The following SAMHD1 variants were observed in gnomAD, a reference collection of about 807,000 sequenced individuals.
SAMHD1 encodes deoxynucleoside triphosphate triphosphohydrolase SAMHD1.
Under a neutral mutation model 79.6 loss-of-function variants are expected in SAMHD1, and 54 were observed. The ratio of observed to expected loss-of-function variants is 0.68; its 90% CI spans 0.55 to 0.85. The LOEUF is 0.85. Among genes scored for constraint, SAMHD1 ranks in the 40% least tolerant of loss-of-function variants. The pLI is 0.00. For synonymous variants in SAMHD1, 260 were observed against 264.1 expected (o/e 0.98, Z 0.15); for missense variants, 663 against 782.7 (o/e 0.85, Z 1.82).
chr20:36,947,921 A>G (rs1769093026), intron 1 of SAMHD1, among the ~76,000 whole-genome samples: 1 of 151,600 alleles, frequency 6.6e-6, no homozygotes, highest in African/African-American at 2.4e-5. Context: ...ATCTTCCCAC[A>G]CTGGCCTCCC....
intron 9 of SAMHD1, among the ~76,000 whole-genome samples, chr20:36,913,756 C>T (rs1601127113): frequency 7.4e-6 from 1 of 135,342 alleles, no homozygotes. Context: ...TCATTCTTGA[C>T]TTTTTTTTTT....
chr20:36,919,360 T>C lies in SAMHD1; in HGVS notation c.852+4A>G. On this transcript the variant is annotated splice_donor_region_variant and intron_variant, in intron 7 of 15. Transcript: ENST00000646673. ...AGTTAAAATTAAGCTGTACATAAAC[T>C]TACCAATGAATCTTCGACAGGTGAT... is the stretch of plus-strand genomic sequence containing the variant. The C allele has an allele frequency of 2.5e-6, 4 of 1,613,222 alleles. No individual in the cohort carries two copies. Among genetic ancestry groups the C allele is most frequent in the Non-Finnish European group, 3.4e-6 (4 of 1,179,436 alleles).
intron 3 of SAMHD1, among the ~76,000 whole-genome samples, chr20:36,936,124 G>A (rs567179769): frequency 3.3e-5 from 5 of 151,932 alleles, no homozygotes; most frequent in Admixed American, 6.6e-5. Flanking sequence ...CTGTAGTCCC[G>A]GGTACTCTAG....
At chr20:36,946,590 C>G in intron 2 of SAMHD1, 148 bp downstream of exon 2, 1 of 640,166 alleles carries the variant, frequency 1.6e-6, no homozygotes. Context: ...AATGAACAAA[C>G]AAAACCAGCA....
rs1442543580 is a variant in SAMHD1, at chr20:36,897,911, A to C, written c.1657T>G (p.Tyr553Asp). 6.2e-7 allele frequency: 1 copy of C among 1,614,232 alleles called. No individual in the cohort carries two copies. The highest frequency in any genetic ancestry group is 8.5e-7 in the Non-Finnish European group (1 of 1,180,046). The stretch of plus-strand genomic sequence containing the variant: ...CTCTTTCTGTCCACCTTCTTACAAT[A>C]TACTCGAATCAGCTGCTCTGCAAAT... ...EKFAEQLIRV[Y>D]CKKVDRKSLY... Residue 553 changes from tyrosine to aspartate, a missense_variant, in exon 15 of 16, where the codon TAT becomes GAT. Transcript: ENST00000646673.
intron 13 of SAMHD1, among the ~76,000 whole-genome samples, chr20:36,900,238 T>C (rs769383293): frequency 5.3e-5 from 8 of 152,180 alleles, no homozygotes; most frequent in African/African-American, 1.7e-4. Context: ...ACTACGACTA[T>C]AGTTAACAGT....
Position 36,904,217 on chromosome 20 carries a change from G to A in SAMHD1, c.1443C>T (p.Ala481=). 1 of 1,613,528 alleles carries A rather than the reference G, an allele frequency of 6.2e-7. No individual in the cohort carries two copies. Among genetic ancestry groups the A allele is most frequent in the Non-Finnish European group, 8.5e-7 (1 of 1,179,550 alleles). Residue 481 remains alanine, a synonymous_variant, in exon 13 of 16, where the codon GCC becomes GCT. Coordinates refer to ENST00000646673, the MANE Select transcript of SAMHD1 (RefSeq NM_015474.4). ...CTAGCAATACTTTGGGTTTAGCACT[G>A]GCAACCTCTTTTGGAAGAGATTCAT... ...EDYESLPKEV[A]SAKPKVLLDV...
chr20:36,942,946 A>G (rs377415624), intron 2 of SAMHD1, among the ~76,000 whole-genome samples: 15 of 152,118 alleles, frequency 9.9e-5, no homozygotes, highest in African/African-American at 2.4e-4. Context: ...CTGAGCCACC[A>G]CGCCTGGCCT....
chr20:36,893,778 C>T (rs1223500937), intron 15 of SAMHD1: 1 of 397,022 alleles, frequency 2.5e-6, no homozygotes, highest in African/African-American at 2.1e-5. Context: ...AGGATTCGTG[C>T]TCCTCATCTG....
intron 9 of SAMHD1, among the ~76,000 whole-genome samples, chr20:36,913,756 C>CTTTTT (rs35178473): frequency 7.4e-6 from 1 of 135,344 alleles, no homozygotes; most frequent in Non-Finnish European, 1.6e-5. Flanking sequence ...TCATTCTTGA[C>CTTTTT]TTTTTTTTTT....
intron 6 of SAMHD1, 185 bp downstream of exon 6, chr20:36,926,997 T>C: frequency 1.7e-6 from 1 of 573,312 alleles, no homozygotes; most frequent in Non-Finnish European, 3.1e-6. Flanking sequence ...TAACGATAAC[T>C]TCCTTACAGA....
At chr20:36,916,926 T>C in intron 8 of SAMHD1, 23 bp downstream of exon 8, 1 of 1,593,844 alleles carries the variant, frequency 6.3e-7, no homozygotes. Context: ...TTAGCCAACT[T>C]TTCAGAAGTG....
rs943586488 is a variant in SAMHD1, at chr20:36,912,336, C to G, written c.1154+125G>C. On this transcript the variant is annotated intron_variant, in intron 10 of 15. Transcript: ENST00000646673. Reference sequence around the variant, plus strand: ...CTAGATTTTTTTTCTTTAAGGAAACCATTTTCAATTTAATCACTTAATATT... The same window carrying G: ...CTAGATTTTTTTTCTTTAAGGAAACGATTTTCAATTTAATCACTTAATATT... 5 of 685,470 alleles carry G rather than the reference C, an allele frequency of 7.3e-6. No individual in the cohort carries two copies. The Admixed American group carries it at 1.2e-4, about 16-fold the overall frequency. The allele number at this position is 685,470 out of a possible 1,614,324, so 42.5% of individuals were successfully genotyped here. A position where few individuals can be genotyped will look rare whatever the true frequency, so the allele number is the denominator to read the frequency against.
intron 4 of SAMHD1, among the ~76,000 whole-genome samples, chr20:36,934,380 C>T (rs1385938304): frequency 2.0e-5 from 3 of 151,188 alleles, no homozygotes; most frequent in South Asian, 2.1e-4. Flanking sequence ...TAAAATTAGC[C>T]GGGTGTGGTG....
At position 36,947,551 on chromosome 20, in the gene SAMHD1, G is replaced by GGTGTGTGT. The variant is rs71186095; in HGVS notation, c.209-755_209-748dup. Among the ~76,000 whole-genome samples, 626 of 75,744 alleles carry GGTGTGTGT rather than the reference G, an allele frequency of 8.3e-3. 26 individuals carry two copies. The highest frequency in any genetic ancestry group is 0.013 in the Middle Eastern group (2 of 158). The allele number at this position is 75,744 out of a possible 152,430, so 49.7% of individuals were successfully genotyped here. A position where few individuals can be genotyped will look rare whatever the true frequency, so the allele number is the denominator to read the frequency against. The stretch of plus-strand genomic sequence containing the variant: ...ACTCAATACTCTGATTTGGAAGAGG[G>GGTGTGTGT]GTGTGTGTGTGTGTGTGTGTGTGTG... On this transcript the variant is annotated intron_variant, in intron 1 of 15. Transcript: ENST00000646673.
intron 1 of SAMHD1, chr20:36,947,107 C>G: frequency 3.2e-6 from 1 of 309,390 alleles, no homozygotes; most frequent in South Asian, 3.2e-5. Context: ...GGGGTTTTGC[C>G]AGGTCAGCAG....
rs1017354468 is a variant in SAMHD1 at position 36,916,644 on chromosome 20, C to T, written c.1062+78G>A. The stretch of plus-strand genomic sequence containing the variant: ...AGAGACTGACGATTTACCAATTATT[C>T]CAAATTGTTAAATGGTTATTTCCAA... On this transcript the variant is annotated intron_variant, in intron 9 of 15. Transcript: ENST00000646673. 7.9e-6 allele frequency: 8 copies of T among 1,010,264 alleles called. No homozygotes were observed. The Admixed American group carries it at 1.2e-4, about 15-fold the overall frequency. 62.6% of individuals were successfully genotyped at this position (1,010,264 alleles called of 1,614,324 possible).
At chr20:36,900,733 A>AT (rs1990289211) in intron 13 of SAMHD1, among the ~76,000 whole-genome samples, 2 of 145,182 alleles carry the variant, frequency 1.4e-5, no homozygotes, top group South Asian at 4.4e-4. Context: ...TGCCTGGCTC[A>AT]CTTTTTTTTT....
rs1244331812 is a variant in SAMHD1 at position 36,892,301 on chromosome 20, A to T, written c.*631T>A. ...TGTAGGGGGCTAGAAGGGTGAGGGG[A>T]GGTGTCTTTCACTTATGCTTAGGTC... On this transcript the variant is annotated 3_prime_UTR_variant, in exon 16 of 16. Coordinates refer to ENST00000646673, the MANE Select transcript of SAMHD1 (RefSeq NM_015474.4). 1 of 158,134 alleles carries T rather than the reference A, an allele frequency of 6.3e-6. No homozygotes were observed. Among genetic ancestry groups the T allele is most frequent in the Non-Finnish European group, 1.4e-5 (1 of 72,128 alleles). The allele number at this position is 158,134 out of a possible 1,614,324, so 9.8% of individuals were successfully genotyped here. A position where few individuals can be genotyped will look rare whatever the true frequency, so the allele number is the denominator to read the frequency against.
Sources: gnomAD v4.1 joint callset for allele counts (sites outside exome capture counted in the v4.1 genomes callset) on GRCh38, gnomAD v4.1.1 for gene constraint, MANE v1.5 for transcripts, NCBI Gene and HGNC (gene_info 2026-07-23, HGNC 2026-07-21) for gene names.